The following GSE1 variants were observed in gnomAD, a reference collection of about 807,000 sequenced individuals.
GSE1 encodes genetic suppressor element 1.
A neutral mutation model predicts 112.6 loss-of-function variants in GSE1; 32 were observed. The observed-to-expected ratio is 0.28, with a 90% CI of 0.21 to 0.38. The LOEUF is 0.38. GSE1 is among the 10% of genes least tolerant of loss of function. The probability of loss-of-function intolerance (pLI) is 1.00; values close to 1 mark genes in which losing one functional copy is unlikely to be tolerated. For missense variants in GSE1, 2,348 were observed against 1,699.2 expected (o/e 1.38, Z -6.71); for synonymous variants, 1,115 against 735.6 (o/e 1.52, Z -8.35).
chr16:85,262,008 C>T (rs11149730), intron 1 of GSE1, among the ~76,000 whole-genome samples: 17,197 of 152,020 alleles, frequency 0.11, 985 homozygotes, highest in Non-Finnish European at 0.12. Context: ...AGACTGAGGC[C>T]GAGCAGGTGA....
intron 1 of GSE1, among the ~76,000 whole-genome samples, chr16:85,565,333 G>A (rs1259017730): frequency 6.6e-6 from 1 of 151,290 alleles, no homozygotes; most frequent in African/African-American, 2.5e-5. Flanking sequence ...GGAGGTTGCA[G>A]TGAGACGAGA....
At position 85,648,652 on chromosome 16, in the gene GSE1, C is replaced by A. The variant is rs368435782; in HGVS notation, c.327C>A (p.Ile109=). ...AGCGCGTGCCCATGGGCCCTATCAT[C>A]GTCCCCCCTGGGGGCCACAGCGTGC... ...TPKRVPMGPI[I]VPPGGHSVPS... Residue 109 remains isoleucine (I), a synonymous_variant, in exon 3 of 16, where the codon ATC becomes ATA. Coordinates refer to ENST00000253458, the MANE Select transcript of GSE1 (RefSeq NM_014615.5). 6.2e-7 allele frequency: 1 copy of A among 1,600,288 alleles called. No individual in the cohort carries two copies. Among genetic ancestry groups the A allele is most frequent in the Non-Finnish European group, 8.5e-7 (1 of 1,169,946 alleles).
At chr16:85,385,624 C>T (rs1407232399) in intron 2 of GSE1, among the ~76,000 whole-genome samples, 3 of 152,216 alleles carry the variant, frequency 2.0e-5, no homozygotes, top group Admixed American at 2.0e-4. Context: ...CAGGGCCAGC[C>T]TGGCTGCTGA....
intron 2 of GSE1, among the ~76,000 whole-genome samples, chr16:85,359,761 C>T (rs2047025059): frequency 6.6e-6 from 1 of 152,082 alleles, no homozygotes; most frequent in Non-Finnish European, 1.5e-5. Context: ...CGACGTCTGG[C>T]TCCCGCGCCG....
intron 1 of GSE1, among the ~76,000 whole-genome samples, chr16:85,558,983 G>A (rs1282109150): frequency 2.6e-5 from 4 of 152,114 alleles, no homozygotes; most frequent in Non-Finnish European, 5.9e-5. Flanking sequence ...TCAGCCTCCC[G>A]AGTAGCTGGT....
intron 2 of GSE1, among the ~76,000 whole-genome samples, chr16:85,486,728 G>A (rs1040036684): frequency 3.3e-5 from 5 of 152,068 alleles, no homozygotes; most frequent in Admixed American, 6.5e-5. Context: ...TGCCCGGGAC[G>A]GAGCGGGCAT....
intron 1 of GSE1, among the ~76,000 whole-genome samples, chr16:85,273,921 T>C (rs1182558231): frequency 1.3e-5 from 2 of 148,866 alleles, no homozygotes; most frequent in Non-Finnish European, 1.5e-5. Context: ...GGTCTCGAAC[T>C]CCTGACCTCA....
intron 2 of GSE1, among the ~76,000 whole-genome samples, chr16:85,640,553 G>T (rs1259015851): frequency 6.6e-6 from 1 of 152,160 alleles, no homozygotes; most frequent in Admixed American, 6.5e-5. Flanking sequence ...CCTGTCCCTG[G>T]TGCCACCTGA....
intron 2 of GSE1, among the ~76,000 whole-genome samples, chr16:85,432,180 A>G (rs1450994864): frequency 6.6e-6 from 1 of 152,252 alleles, no homozygotes; most frequent in Non-Finnish European, 1.5e-5. Flanking sequence ...GTTAGGTTCT[A>G]TGCATGCAGA....
chr16:85,420,519 G>A (rs899011631), intron 2 of GSE1, among the ~76,000 whole-genome samples: 3 of 139,048 alleles, frequency 2.2e-5, no homozygotes, highest in Non-Finnish European at 4.4e-5. Flanking sequence ...CAGGGCCAAG[G>A]GGGGTGGCAC....
chr16:85,611,451 G>A (rs1219763845), upstream of GSE1: 1 of 984,812 alleles, frequency 1.0e-6, no homozygotes, highest in African/African-American at 1.7e-5. Context: ...AAGGCCGCAA[G>A]GGGGGCGCCG....
At chr16:85,325,418 C>A (rs2046205536) in intron 1 of GSE1, among the ~76,000 whole-genome samples, 1 of 151,902 alleles carries the variant, frequency 6.6e-6, no homozygotes, top group African/African-American at 2.4e-5. Flanking sequence ...AAATTGAGTC[C>A]TGTGATCTGA....
intron 1 of GSE1, among the ~76,000 whole-genome samples, chr16:85,344,885 G>A (rs959208117): frequency 6.6e-6 from 1 of 152,244 alleles, no homozygotes; most frequent in Admixed American, 6.5e-5. Flanking sequence ...CGAGCTGTCT[G>A]CCGCCTTCAG....
intron 2 of GSE1, among the ~76,000 whole-genome samples, chr16:85,519,567 T>C (rs62636939): frequency 0.18 from 215 of 1,176 alleles, 48 homozygotes; most frequent in East Asian, 0.25. Context: ...ACTATCATCA[T>C]CACCATCACC....
intron 1 of GSE1, among the ~76,000 whole-genome samples, chr16:85,268,117 C>G (rs1908440898): frequency 6.6e-6 from 1 of 152,134 alleles, no homozygotes; most frequent in Admixed American, 6.5e-5. Context: ...GCTGTGATGC[C>G]TCTGTATTTC....
chr16:85,258,722 G>A (rs1264686937), intron 1 of GSE1, among the ~76,000 whole-genome samples: 1 of 152,200 alleles, frequency 6.6e-6, no homozygotes, highest in African/African-American at 2.4e-5. Context: ...TGACCGCCCA[G>A]CGGGGTCACC....
intron 2 of GSE1, among the ~76,000 whole-genome samples, chr16:85,404,716 A>G (rs1323889768): frequency 5.8e-5 from 2 of 34,710 alleles, no homozygotes; most frequent in Non-Finnish European, 4.7e-5. Context: ...CCTCACTGTT[A>G]CACTCAGGCC....
At chr16:85,585,802 C>G (rs2046665617) in intron 1 of GSE1, among the ~76,000 whole-genome samples, 2 of 152,244 alleles carry the variant, frequency 1.3e-5, no homozygotes, top group South Asian at 4.1e-4. Flanking sequence ...AGTGTCTGAT[C>G]CACATACATT....
At chr16:85,639,616 G>T (rs1443476914) in intron 2 of GSE1, among the ~76,000 whole-genome samples, 1 of 152,256 alleles carries the variant, frequency 6.6e-6, no homozygotes, top group African/African-American at 2.4e-5. Flanking sequence ...GGGAACGCCT[G>T]TGCGTGGAGC....
Sources: allele counts gnomAD v4.1 joint callset (sites outside exome capture counted in the v4.1 genomes callset), GRCh38; gene constraint gnomAD v4.1.1; transcripts MANE v1.5; gene names NCBI Gene and HGNC (gene_info 2026-07-23, HGNC 2026-07-21).